The following ASIC2 variants were observed in gnomAD, a reference collection of about 807,000 sequenced individuals.
The protein encoded by ASIC2 is acid-sensing ion channel 2.
A neutral mutation model predicts 57.3 loss-of-function variants in ASIC2; 25 were observed. The observed-to-expected ratio is 0.44, with a 90% CI of 0.32 to 0.61. The LOEUF is 0.61. Among genes scored for constraint, ASIC2 ranks in the 20% least tolerant of loss-of-function variants. The probability of loss-of-function intolerance (pLI) is 0.06; values close to 1 mark genes in which losing one functional copy is unlikely to be tolerated. For missense variants in ASIC2, 641 were observed against 738.1 expected, an observed-to-expected ratio of 0.87 and a Z score of 1.52; for synonymous variants, 319 against 307.5, an observed-to-expected ratio of 1.04 and a Z score of -0.39.
intron 1 of ASIC2, among the ~76,000 whole-genome samples, chr17:33,159,474 C>T (rs1905102302): frequency 1.3e-5 from 2 of 152,142 alleles, no homozygotes; most frequent in South Asian, 2.1e-4. Context: ...CCTCTCCCTC[C>T]CGTTTTATTG....
intron 1 of ASIC2, among the ~76,000 whole-genome samples, chr17:33,786,697 C>G (rs1000421557): frequency 3.3e-5 from 5 of 152,176 alleles, no homozygotes; most frequent in Non-Finnish European, 5.9e-5. Context: ...CTGGCCACCC[C>G]ATCATGTGTC....
intron 1 of ASIC2, among the ~76,000 whole-genome samples, chr17:34,057,526 G>C (rs77443532): frequency 0.016 from 2,417 of 152,210 alleles, 65 homozygotes; most frequent in East Asian, 0.06. Flanking sequence ...AGCTTTAGTA[G>C]GAGGACGGAT....
intron 1 of ASIC2, among the ~76,000 whole-genome samples, chr17:33,523,234 G>A (rs1914794099): frequency 6.6e-6 from 1 of 152,130 alleles, no homozygotes; most frequent in Non-Finnish European, 1.5e-5. Flanking sequence ...TCTAAAATGA[G>A]GATCACAAAG....
intron 1 of ASIC2, among the ~76,000 whole-genome samples, chr17:33,211,794 T>G (rs1907285743): frequency 6.6e-6 from 1 of 152,166 alleles, no homozygotes; most frequent in South Asian, 2.1e-4. Flanking sequence ...ATCCCGAAAG[T>G]ATTTGCTGAA....
chr17:34,038,640 T>C (rs1480465494), intron 1 of ASIC2: 2 of 1,592,520 alleles, frequency 1.3e-6, no homozygotes, highest in African/African-American at 1.3e-5. Flanking sequence ...TGTAGTTTTC[T>C]AACCCTTTCT....
intron 1 of ASIC2, among the ~76,000 whole-genome samples, chr17:33,275,956 A>G (rs927572288): frequency 2.0e-5 from 3 of 152,220 alleles, no homozygotes; most frequent in Non-Finnish European, 4.4e-5. Flanking sequence ...TCTTGTAGGC[A>G]GCACGGAACC....
intron 1 of ASIC2, among the ~76,000 whole-genome samples, chr17:33,860,955 C>A (rs760858237): frequency 6.6e-6 from 1 of 152,156 alleles, no homozygotes; most frequent in African/African-American, 2.4e-5. Flanking sequence ...GGATCTAGCA[C>A]CCACACTGTG....
chr17:34,065,470 G>C (rs1484057749), intron 1 of ASIC2, among the ~76,000 whole-genome samples: 2 of 152,128 alleles, frequency 1.3e-5, no homozygotes, highest in Non-Finnish European at 2.9e-5. Flanking sequence ...ACTTACTCAT[G>C]TAACCAAATA....
chr17:33,029,889 A>T (rs2091874920), intron 3 of ASIC2, among the ~76,000 whole-genome samples: 1 of 152,194 alleles, frequency 6.6e-6, no homozygotes, highest in Non-Finnish European at 1.5e-5. Context: ...TTTTGAGCAC[A>T]ATTTTATGTG....
chr17:33,787,674 G>A (rs954451513), intron 1 of ASIC2, among the ~76,000 whole-genome samples: 1 of 152,206 alleles, frequency 6.6e-6, no homozygotes, highest in Non-Finnish European at 1.5e-5. Flanking sequence ...AAGGTTCACT[G>A]TTGTATCAGT....
At chr17:34,058,371 A>G (rs923362234) in intron 1 of ASIC2, among the ~76,000 whole-genome samples, 1 of 152,228 alleles carries the variant, frequency 6.6e-6, no homozygotes, top group Non-Finnish European at 1.5e-5. Flanking sequence ...ACCACCTTAT[A>G]GATGAAGAAA....
intron 1 of ASIC2, among the ~76,000 whole-genome samples, chr17:33,867,149 A>G (rs1224021581): frequency 6.6e-6 from 1 of 152,170 alleles, no homozygotes; most frequent in Non-Finnish European, 1.5e-5. Context: ...AGGAGGGAAC[A>G]AACACTTTCA....
At chr17:33,113,176 T>C (rs2092266558) in intron 1 of ASIC2, among the ~76,000 whole-genome samples, 1 of 152,180 alleles carries the variant, frequency 6.6e-6, no homozygotes, top group Admixed American at 6.5e-5. Context: ...TTTGTCCAAG[T>C]TTTGACATTG....
At chr17:33,999,516 C>T (rs934941430) in intron 1 of ASIC2, among the ~76,000 whole-genome samples, 21 of 152,022 alleles carry the variant, frequency 1.4e-4, no homozygotes, top group Non-Finnish European at 3.1e-4. Flanking sequence ...TTCTCTGTGT[C>T]TTATCTGTAT....
chr17:33,141,537 C>T (rs114459691), intron 1 of ASIC2, among the ~76,000 whole-genome samples: 1,672 of 152,248 alleles, frequency 0.011, 28 homozygotes, highest in African/African-American at 0.038. Context: ...AAGCTACACC[C>T]GGTGACAGGT....
intron 1 of ASIC2, among the ~76,000 whole-genome samples, chr17:34,099,542 AAAG>A (rs1290736414): frequency 2.0e-5 from 3 of 148,844 alleles, no homozygotes; most frequent in African/African-American, 7.5e-5. Context: ...GAAAGGAAAG[AAAG>A]AAGGGAAGGA....
intron 1 of ASIC2, among the ~76,000 whole-genome samples, chr17:33,519,029 C>T (rs1482476586): frequency 1.0e-5 from 1 of 96,346 alleles, no homozygotes; most frequent in African/African-American, 4.1e-5. Flanking sequence ...ACCATGTTGG[C>T]CAGGATGGTC....
At chr17:33,280,028 C>CATTG (rs1174976752) in intron 1 of ASIC2, among the ~76,000 whole-genome samples, 1 of 152,136 alleles carries the variant, frequency 6.6e-6, no homozygotes, top group Non-Finnish European at 1.5e-5. Flanking sequence ...TCAGCTACAT[C>CATTG]ATTTATTAGC....
At chr17:33,740,350 G>A (rs1274151996) in intron 1 of ASIC2, among the ~76,000 whole-genome samples, 1 of 152,324 alleles carries the variant, frequency 6.6e-6, no homozygotes, top group East Asian at 1.9e-4. Flanking sequence ...TGGCTGGGAG[G>A]CCTCGGGAAA....
Sources: gnomAD v4.1 joint callset for allele counts (sites outside exome capture counted in the v4.1 genomes callset) on GRCh38, gnomAD v4.1.1 for gene constraint, MANE v1.5 for transcripts, NCBI Gene and HGNC (gene_info 2026-07-23, HGNC 2026-07-21) for gene names.